PCDHA11: variants seen among roughly 807,000 people sequenced by gnomAD.
PCDHA11 encodes the protein protocadherin alpha-11.
PCDHA11 carries 61 observed loss-of-function variants against 70.3 expected under a neutral mutation model. The observed-to-expected ratio is 0.87, with a 90% confidence interval of 0.71 to 1.07. The LOEUF is 1.07. Ranked by LOEUF, PCDHA11 falls within the 50% of genes least tolerant of loss-of-function variation. PCDHA11 has a pLI of 0.00. For synonymous variants in PCDHA11, 633 were observed against 555.1 expected, an observed-to-expected ratio of 1.14 and a Z score of -1.97; for missense variants, 1,324 against 1,237.5, an observed-to-expected ratio of 1.07 and a Z score of -1.05.
chr5:140,893,432 C>T (rs1280374649), intron 1 of PCDHA11, among the ~76,000 whole-genome samples: 5 of 151,946 alleles, frequency 3.3e-5, no homozygotes, highest in Non-Finnish European at 7.4e-5. Flanking sequence ...GCAGGAAGAT[C>T]GCTTGAAGCC....
chr5:140,997,921 G>T lies in PCDHA11; in HGVS notation c.2540-11706G>T, dbSNP rs553205382. On this transcript the variant is annotated intron_variant, in intron 3 of 3. Coordinates refer to ENST00000398640, the MANE Select transcript of PCDHA11 (RefSeq NM_018902.5). ...CAAGAAGTAGAATTACAGAATCATA[G>T]GATATAAAAATATCAAATTGGCAAA... is the stretch of plus-strand genomic sequence containing the variant. Among the ~76,000 whole-genome samples the T allele has an allele frequency of 1.1e-4, 16 of 152,200 alleles. No homozygotes were observed. The South Asian group carries it at 3.3e-3, about 32-fold the overall frequency.
At chr5:140,919,489 T>C (rs1554199092) in intron 1 of PCDHA11, among the ~76,000 whole-genome samples, 2 of 152,222 alleles carry the variant, frequency 1.3e-5, no homozygotes, top group African/African-American at 4.8e-5. Context: ...TTATGTTTGT[T>C]ATTTTACTCC....
At chr5:140,926,129 G>C (rs2082926412) in intron 1 of PCDHA11, among the ~76,000 whole-genome samples, 1 of 152,178 alleles carries the variant, frequency 6.6e-6, no homozygotes, top group African/African-American at 2.4e-5. Flanking sequence ...ACTTCAACCC[G>C]CAGCAGGATC....
rs140680694 is a variant in PCDHA11, at chr5:140,925,580, G to A, written c.2392-53369G>A. 5.4e-3 allele frequency among the ~76,000 whole-genome samples: 819 copies of A among 151,688 alleles called. 10 individuals carry two copies. The highest frequency in any genetic ancestry group is 0.019 in the African/African-American group (777 of 41,364). On this transcript the variant is annotated intron_variant, in intron 1 of 3. Transcript: ENST00000398640. ...GTTAATGGGTGCAGCACACCAACATGGCGCATGTATACATATGTAACAAAC... is the reference window on the plus strand; with the variant it reads ...GTTAATGGGTGCAGCACACCAACATAGCGCATGTATACATATGTAACAAAC...
chr5:140,961,793 A>G (rs1554225592), intron 1 of PCDHA11, among the ~76,000 whole-genome samples: 2 of 152,166 alleles, frequency 1.3e-5, no homozygotes, highest in Admixed American at 1.3e-4. Flanking sequence ...TTTTTAAAAG[A>G]TAGGAAATTG....
chr5:140,870,766 C>T lies in PCDHA11; in HGVS notation c.1663C>T (p.Leu555=). 6.2e-7 allele frequency: 1 copy of T among 1,613,562 alleles called. No individual in the cohort carries two copies. The highest frequency in any genetic ancestry group is 8.5e-7 in the Non-Finnish European group (1 of 1,179,896). Residue 555 remains leucine, a synonymous_variant, in exon 1 of 4, where the codon CTG becomes TTG. Transcript: ENST00000398640. The part of the protein sequence containing the change: ...SSNVTLQVFV[L]DENDNAPALL... ...CAACGTGACGCTGCAGGTGTTCGTGCTGGACGAGAACGACAACGCGCCGGC... is the reference window on the plus strand; with the variant it reads ...CAACGTGACGCTGCAGGTGTTCGTGTTGGACGAGAACGACAACGCGCCGGC...
At chr5:140,927,297 G>C in intron 1 of PCDHA11, 1 of 1,614,150 alleles carries the variant, frequency 6.2e-7, no homozygotes, top group Non-Finnish European at 8.5e-7. Context: ...ACATCCCCGA[G>C]TTCCTGACGC....
intron 1 of PCDHA11, chr5:140,928,173 C>T (rs1554205586): frequency 1.2e-6 from 2 of 1,614,170 alleles, no homozygotes; most frequent in Admixed American, 1.7e-5. Flanking sequence ...CACTTAGCAC[C>T]CGAAGGACAA....
intron 2 of PCDHA11, among the ~76,000 whole-genome samples, chr5:140,980,549 G>A (rs1382828581): frequency 1.3e-5 from 2 of 152,162 alleles, no homozygotes; most frequent in Non-Finnish European, 2.9e-5. Context: ...AGAATCGCTT[G>A]AACCCGGGAG....
chr5:140,927,077 G>A (rs568623488), intron 1 of PCDHA11: 1 of 1,610,844 alleles, frequency 6.2e-7, no homozygotes, highest in Non-Finnish European at 8.5e-7. Context: ...TCCAGCCACC[G>A]CGAGCTCTAC....
At chr5:140,876,921 C>T (rs1554169105) in intron 1 of PCDHA11, 13 of 1,613,926 alleles carry the variant, frequency 8.1e-6, no homozygotes, top group East Asian at 4.5e-5. Context: ...GGGACGCGGA[C>T]GCGCAGAAGA....
chr5:140,982,035 A>G (rs950479755), intron 2 of PCDHA11, among the ~76,000 whole-genome samples: 2 of 152,280 alleles, frequency 1.3e-5, no homozygotes, highest in Admixed American at 1.3e-4. Context: ...CAATACTCCA[A>G]TTATCAGAAA....
In PCDHA11 at chr5:140,911,791, C is replaced by G. The variant is rs567528220; in HGVS notation, c.2391+40297C>G. 3.9e-5 allele frequency among the ~76,000 whole-genome samples: 6 copies of G among 152,230 alleles called. No homozygotes were observed. The East Asian group carries it at 9.6e-4, about 24-fold the overall frequency. ...AGTACAGTCCTTAGCATTTTTGGGT[C>G]TAATCATATTAAGCAGCCTTCTCCA... On this transcript the variant is annotated intron_variant, in intron 1 of 3. Transcript: ENST00000398640.
chr5:141,005,133 T>C (rs559773723), intron 3 of PCDHA11, among the ~76,000 whole-genome samples: 3 of 152,328 alleles, frequency 2.0e-5, no homozygotes, highest in Admixed American at 6.5e-5. Context: ...AAGTGCCTCA[T>C]TGGAGAGTTG....
intron 1 of PCDHA11, among the ~76,000 whole-genome samples, chr5:140,955,017 T>G (rs1157818120): frequency 6.6e-6 from 1 of 152,186 alleles, no homozygotes. Context: ...CCAGCACCAT[T>G]TATTAAATAG....
intron 1 of PCDHA11, among the ~76,000 whole-genome samples, chr5:140,961,632 A>G (rs373824042): frequency 7.9e-5 from 12 of 152,214 alleles, no homozygotes; most frequent in South Asian, 4.1e-4. Flanking sequence ...ATGAAAAACA[A>G]TCTTAAGTCT....
intron 1 of PCDHA11, among the ~76,000 whole-genome samples, chr5:140,901,870 TTTC>T (rs2068953949): frequency 6.6e-6 from 1 of 152,202 alleles, no homozygotes. Flanking sequence ...TCCTCTTCAA[TTTC>T]TTTCATCAGC....
At chr5:140,890,776 A>G (rs1554184541) in intron 1 of PCDHA11, among the ~76,000 whole-genome samples, 1 of 152,316 alleles carries the variant, frequency 6.6e-6, no homozygotes, top group Non-Finnish European at 1.5e-5. Flanking sequence ...TTAAAACCCC[A>G]TAAGATATTA....
intron 1 of PCDHA11, among the ~76,000 whole-genome samples, chr5:140,940,491 C>A (rs1554213409): frequency 6.6e-6 from 1 of 151,752 alleles, no homozygotes; most frequent in Admixed American, 6.6e-5. Context: ...CAAGACAAGT[C>A]TTGCTCCGTC....
Sources: allele counts gnomAD v4.1 joint callset (sites outside exome capture counted in the v4.1 genomes callset), GRCh38; gene constraint gnomAD v4.1.1; transcripts MANE v1.5; gene names NCBI Gene and HGNC (gene_info 2026-07-23, HGNC 2026-07-21).